CLNK: variants seen among roughly 807,000 people sequenced by gnomAD.
CLNK encodes the protein cytokine dependent hematopoietic cell linker.
In CLNK, 74 loss-of-function variants were observed where a neutral mutation model predicts 68.6. The observed-to-expected ratio is 1.08, with a 90% CI of 0.89 to 1.31. The LOEUF is 1.31. CLNK is among the 50% of genes most tolerant of loss of function. CLNK has a pLI of 0.00. For missense variants in CLNK, 553 were observed against 515.3 expected (o/e 1.07, Z -0.71); for synonymous variants, 198 against 172.2 (o/e 1.15, Z -1.17).
chr4:10,593,835 G>T (rs117660842), intron 3 of CLNK, among the ~76,000 whole-genome samples: 1 of 152,344 alleles, frequency 6.6e-6, no homozygotes, highest in East Asian at 1.9e-4. Flanking sequence ...ATGAGGTGAC[G>T]AATGGGAAGG....
At chr4:10,611,029 C>A (rs1055310201) in intron 2 of CLNK, among the ~76,000 whole-genome samples, 2 of 151,974 alleles carry the variant, frequency 1.3e-5, no homozygotes, top group Non-Finnish European at 2.9e-5. Context: ...ACTAAAAATA[C>A]AAAAATTAGG....
At chr4:10,549,063 T>C (rs997444465) in intron 8 of CLNK, among the ~76,000 whole-genome samples, 5 of 152,230 alleles carry the variant, frequency 3.3e-5, no homozygotes, top group Non-Finnish European at 7.3e-5. Flanking sequence ...TAATGTAGGA[T>C]TATTTTTTCT....
chr4:10,589,532 A>G (rs1349212255), intron 3 of CLNK, among the ~76,000 whole-genome samples: 1 of 152,220 alleles, frequency 6.6e-6, no homozygotes, highest in Non-Finnish European at 1.5e-5. Flanking sequence ...CAGAGGAAGC[A>G]TCAGCAAAAC....
At chr4:10,587,199 C>T (rs182803269) in intron 3 of CLNK, among the ~76,000 whole-genome samples, 47 of 152,294 alleles carry the variant, frequency 3.1e-4, no homozygotes, top group African/African-American at 1.0e-3. Flanking sequence ...CTCCTGACCT[C>T]AGGTGATCCA....
rs377492039 is a variant in CLNK at position 10,585,767 on chromosome 4, C to A, written c.84-812G>T. Among the ~76,000 whole-genome samples, 131 of 152,288 alleles carry A rather than the reference C, an allele frequency of 8.6e-4. 1 individual carries two copies. Among genetic ancestry groups the A allele is most frequent in the Middle Eastern group, 3.4e-3 (1 of 294 alleles). On this transcript the variant is annotated intron_variant, in intron 3 of 18. Transcript: ENST00000226951. ...AGGAGTTCACGTCCAACCTGGGCAA[C>A]ATAGCAAGATCTCTTGAAAAAATAA...
chr4:10,670,512 TC>T (rs1724585924), intron 1 of CLNK, among the ~76,000 whole-genome samples: 1 of 152,230 alleles, frequency 6.6e-6, no homozygotes, highest in African/African-American at 2.4e-5. Context: ...GCAGAACAGT[TC>T]CCTGCAAGGC....
At chr4:10,535,213 G>GAAAGAAAGAAAGAAAGAAAGAA (rs1390380873) in intron 11 of CLNK, among the ~76,000 whole-genome samples, 2 of 131,298 alleles carry the variant, frequency 1.5e-5, no homozygotes, top group Non-Finnish European at 3.2e-5. Context: ...AAGAAAGAAA[G>GAAAGAAAGAAAGAAAGAAAGAA]AGAAAGAAAG....
chr4:10,730,271 TC>T, the CLNK span, among the ~76,000 whole-genome samples: 1 of 152,152 alleles, frequency 6.6e-6, no homozygotes, highest in Non-Finnish European at 1.5e-5. Context: ...CCTGCAGTTT[TC>T]CCCCATTTCA....
intron 14 of CLNK, among the ~76,000 whole-genome samples, chr4:10,521,595 G>C (rs2109047657): frequency 6.6e-6 from 1 of 152,288 alleles, no homozygotes; most frequent in East Asian, 1.9e-4. Context: ...TCCATTTCTA[G>C]TGCCAATGAA....
intron 2 of CLNK, among the ~76,000 whole-genome samples, chr4:10,619,897 C>T (rs778047333): frequency 2.8e-4 from 42 of 152,120 alleles, no homozygotes; most frequent in Non-Finnish European, 4.9e-4. Flanking sequence ...AGGCCAGACT[C>T]TTCTGCTTGG....
rs1339039436 is a variant in CLNK, at chr4:10,610,793, C to T, written c.12-12744G>A. Reference sequence around the variant, plus strand: ...AGCAACACACACACACACACACACACACACACACACACACACACACACACA... The same window carrying T: ...AGCAACACACACACACACACACACATACACACACACACACACACACACACA... On this transcript the variant is annotated intron_variant, in intron 2 of 18. Coordinates refer to ENST00000226951, the MANE Select transcript of CLNK (RefSeq NM_052964.4). 3.3e-5 allele frequency among the ~76,000 whole-genome samples: 5 copies of T among 150,800 alleles called. No individual in the cohort carries two copies. The East Asian group carries it at 9.7e-4, about 29-fold the overall frequency.
chr4:10,642,344 G>A (rs933900585), intron 2 of CLNK, among the ~76,000 whole-genome samples: 1 of 152,130 alleles, frequency 6.6e-6, no homozygotes, highest in African/African-American at 2.4e-5. Context: ...GAAAGGCCAA[G>A]GCAACAGGAA....
chr4:10,511,825 G>A (rs1717595663), intron 16 of CLNK, among the ~76,000 whole-genome samples: 1 of 152,106 alleles, frequency 6.6e-6, no homozygotes, highest in Non-Finnish European at 1.5e-5. Context: ...ATGAACATGG[G>A]TGTACAAATA....
At chr4:10,721,814 TC>T in the CLNK span, among the ~76,000 whole-genome samples, 275 of 152,292 alleles carry the variant, frequency 1.8e-3, no homozygotes, top group African/African-American at 6.0e-3. Flanking sequence ...CAAGTACCAA[TC>T]CAACCAAACA....
chr4:10,616,790 G>GTATATATATA (rs58333228), intron 2 of CLNK, among the ~76,000 whole-genome samples: 65 of 64,340 alleles, frequency 1.0e-3, no homozygotes, highest in African/African-American at 2.6e-3. Flanking sequence ...GTGTGTGTGT[G>GTATATATATA]TATATATATA....
chr4:10,678,259 G>A (rs1439913589), intron 1 of CLNK, among the ~76,000 whole-genome samples: 1 of 152,178 alleles, frequency 6.6e-6, no homozygotes, highest in Non-Finnish European at 1.5e-5. Context: ...GAGGCTATGA[G>A]TGCTCATCCT....
the CLNK span, among the ~76,000 whole-genome samples, chr4:10,726,816 C>T: frequency 1.3e-5 from 2 of 152,308 alleles, no homozygotes; most frequent in South Asian, 2.1e-4. Context: ...GAGCTGCATC[C>T]TTCCCGTGGG....
intron 1 of CLNK, among the ~76,000 whole-genome samples, chr4:10,673,573 A>G (rs1254938270): frequency 1.3e-5 from 2 of 152,094 alleles, no homozygotes; most frequent in African/African-American, 4.8e-5. Context: ...CAAGGACAGA[A>G]AACCAAACAC....
intron 2 of CLNK, among the ~76,000 whole-genome samples, chr4:10,659,325 T>C (rs1374612881): frequency 6.6e-6 from 1 of 152,250 alleles, no homozygotes; most frequent in African/African-American, 2.4e-5. Context: ...GACACGGTGC[T>C]ACACACACTG....
Sources: gnomAD v4.1 joint callset for allele counts (sites outside exome capture counted in the v4.1 genomes callset) on GRCh38, gnomAD v4.1.1 for gene constraint, MANE v1.5 for transcripts, NCBI Gene and HGNC (gene_info 2026-07-23, HGNC 2026-07-21) for gene names.